WDR7: variants seen among roughly 807,000 people sequenced by gnomAD.
The protein encoded by WDR7 is WD repeat domain 7, also known as WD repeat-containing protein 7.
A neutral mutation model predicts 169.4 loss-of-function variants in WDR7; 46 were observed. That is an observed-to-expected ratio of 0.27 (90% CI 0.21 to 0.35). The LOEUF (loss-of-function observed/expected upper bound fraction) is 0.35. Among genes scored for constraint, WDR7 ranks in the 10% least tolerant of loss-of-function variants. The probability of loss-of-function intolerance (pLI) is 1.00; values close to 1 mark genes in which losing one functional copy is unlikely to be tolerated. For missense variants in WDR7, 1,534 were observed against 1,859.3 expected (o/e 0.83, Z 3.22); for synonymous variants, 612 against 666.8 (o/e 0.92, Z 1.27).
At chr18:56,660,658 TAAA>T (rs55736389) in intron 1 of WDR7, among the ~76,000 whole-genome samples, 102,945 of 145,608 alleles carry the variant, frequency 0.71, 40,865 homozygotes, top group East Asian at 0.95. Flanking sequence ...ATTTAAAGGT[TAAA>T]AAAAAAAAAA....
At chr18:56,725,490 T>G (rs181277961) in intron 13 of WDR7, among the ~76,000 whole-genome samples, 4,818 of 152,100 alleles carry the variant, frequency 0.032, 252 homozygotes, top group African/African-American at 0.11. Context: ...GCCCACTTTT[T>G]GATGGGGTTG....
At chr18:56,805,312 G>A (rs2044753935) in intron 19 of WDR7, among the ~76,000 whole-genome samples, 1 of 152,090 alleles carries the variant, frequency 6.6e-6, no homozygotes, top group South Asian at 2.1e-4. Context: ...TAACTATCCT[G>A]CATACAACCA....
At chr18:56,802,150 T>G (rs1451658027) in intron 19 of WDR7, among the ~76,000 whole-genome samples, 1 of 152,206 alleles carries the variant, frequency 6.6e-6, no homozygotes, top group Non-Finnish European at 1.5e-5. Context: ...TTTAGACATG[T>G]TAATAAGTAT....
chr18:56,827,708 T>C (rs2045233200), intron 20 of WDR7, among the ~76,000 whole-genome samples: 1 of 152,092 alleles, frequency 6.6e-6, no homozygotes, highest in South Asian at 2.1e-4. Flanking sequence ...AAGAGTGTAA[T>C]TGGATTGTTG....
chr18:56,862,294 T>C (rs1205831959), intron 20 of WDR7, among the ~76,000 whole-genome samples: 2 of 151,718 alleles, frequency 1.3e-5, no homozygotes, highest in Non-Finnish European at 3.0e-5. Context: ...TTTGAAGATA[T>C]TTACATTATC....
chr18:56,734,362 G>A lies in WDR7; in HGVS notation c.1989+2765G>A, dbSNP rs2111756. 4.1e-3 allele frequency among the ~76,000 whole-genome samples: 622 copies of A among 152,092 alleles called. 6 individuals are homozygous for A. The highest frequency in any genetic ancestry group is 0.028 in the South Asian group (134 of 4,820). ...AATTCTTTCTTGTTGGAGGACTGGA[G>A]TCTATATAGTAGGATGCTGAGCATC... is the stretch of plus-strand genomic sequence containing the variant. On this transcript the variant is annotated intron_variant, in intron 14 of 27. Transcript: ENST00000254442.
At chr18:56,778,966 C>G (rs1020434457) in intron 17 of WDR7, among the ~76,000 whole-genome samples, 1 of 152,168 alleles carries the variant, frequency 6.6e-6, no homozygotes, top group African/African-American at 2.4e-5. Flanking sequence ...GAGGACATCT[C>G]TTTTGGCTGA....
intron 25 of WDR7, among the ~76,000 whole-genome samples, chr18:56,949,372 A>T (rs1412605337): frequency 1.3e-5 from 2 of 152,226 alleles, no homozygotes; most frequent in East Asian, 3.8e-4. Context: ...TTGATGTAGA[A>T]ATATTTTATG....
At chr18:56,916,225 G>A (rs538469336) in intron 21 of WDR7, among the ~76,000 whole-genome samples, 15 of 152,066 alleles carry the variant, frequency 9.9e-5, no homozygotes, top group African/African-American at 1.9e-4. Flanking sequence ...CCATTAACTC[G>A]TCATTTACAT....
chr18:56,818,733 G>T (rs1469907430), intron 20 of WDR7, among the ~76,000 whole-genome samples: 1 of 152,104 alleles, frequency 6.6e-6, no homozygotes, highest in East Asian at 1.9e-4. Flanking sequence ...GAAAAATATG[G>T]TAGATGCATT....
intron 14 of WDR7, among the ~76,000 whole-genome samples, chr18:56,743,014 A>G (rs562640151): frequency 6.6e-6 from 1 of 152,348 alleles, no homozygotes; most frequent in Admixed American, 6.5e-5. Context: ...AAAACAGATA[A>G]TAGGTAATAG....
chr18:56,707,316 T>C (rs771353799), intron 12 of WDR7, among the ~76,000 whole-genome samples: 1 of 152,142 alleles, frequency 6.6e-6, no homozygotes, highest in Non-Finnish European at 1.5e-5. Context: ...ACTTTGTTCC[T>C]CTGTTAGGTA....
intron 16 of WDR7, 69 bp from the exon 17 acceptor site, chr18:56,776,713 T>A (rs1168374510): frequency 7.2e-7 from 1 of 1,382,146 alleles, no homozygotes. Context: ...TCACTAATAC[T>A]AAGCTTTTTT....
At chr18:56,904,324 C>G (rs1363342379) in intron 21 of WDR7, among the ~76,000 whole-genome samples, 1 of 152,164 alleles carries the variant, frequency 6.6e-6, no homozygotes, top group Non-Finnish European at 1.5e-5. Context: ...CCTGTCTCAT[C>G]CTCCCAAAGT....
At chr18:56,816,445 G>A (rs575798719) in intron 20 of WDR7, among the ~76,000 whole-genome samples, 3 of 152,264 alleles carry the variant, frequency 2.0e-5, no homozygotes, top group Admixed American at 6.5e-5. Flanking sequence ...GCCTTGGAAT[G>A]TATAGAGGAA....
chr18:56,789,292 A>G (rs2044448785), intron 19 of WDR7, among the ~76,000 whole-genome samples: 1 of 152,238 alleles, frequency 6.6e-6, no homozygotes. Context: ...GCAAATTAAA[A>G]ATGAAAGTAT....
chr18:56,893,410 G>C (rs966476575), intron 21 of WDR7, among the ~76,000 whole-genome samples: 7 of 151,996 alleles, frequency 4.6e-5, no homozygotes, highest in African/African-American at 1.7e-4. Flanking sequence ...ATCCCTCTAA[G>C]AACTGCAGAG....
chr18:56,744,194 G>A (rs1240131776), intron 14 of WDR7, among the ~76,000 whole-genome samples: 1 of 143,764 alleles, frequency 7.0e-6, no homozygotes, highest in Non-Finnish European at 1.5e-5. Context: ...AGCCGAGATC[G>A]CGCCACTGCA....
chr18:56,822,557 C>T (rs1475319519), intron 20 of WDR7, among the ~76,000 whole-genome samples: 2 of 152,194 alleles, frequency 1.3e-5, no homozygotes, highest in Admixed American at 1.3e-4. Flanking sequence ...GACGTTCTTT[C>T]CTAGCCCGGA....
Sources: allele counts gnomAD v4.1 joint callset (sites outside exome capture counted in the v4.1 genomes callset), GRCh38; gene constraint gnomAD v4.1.1; transcripts MANE v1.5; gene names NCBI Gene and HGNC (gene_info 2026-07-23, HGNC 2026-07-21).